ELAPOR1: variants seen among roughly 807,000 people sequenced by gnomAD.
ELAPOR1 encodes the protein endosome-lysosome associated apoptosis and autophagy regulator 1.
Under a neutral mutation model 119.7 loss-of-function variants are expected in ELAPOR1, and 77 were observed. The observed-to-expected ratio is 0.64, with a 90% CI of 0.54 to 0.78. The LOEUF (loss-of-function observed/expected upper bound fraction) is 0.78, where lower values mean the gene tolerates loss of function less well. Ranked by LOEUF, ELAPOR1 falls within the 30% of genes least tolerant of loss-of-function variation. ELAPOR1 has a pLI of 0.00. For missense variants in ELAPOR1, 1,115 were observed against 1,270.4 expected (o/e 0.88, Z 1.86); for synonymous variants, 481 against 487.2 (o/e 0.99, Z 0.17).
intron 1 of ELAPOR1, among the ~76,000 whole-genome samples, chr1:109,122,630 C>T (rs1221931154): frequency 6.6e-6 from 1 of 151,922 alleles, no homozygotes; most frequent in Non-Finnish European, 1.5e-5. Context: ...CACTACTCTC[C>T]AGCATGGGCA....
intron 1 of ELAPOR1, among the ~76,000 whole-genome samples, chr1:109,155,748 C>T (rs189004670): frequency 3.8e-4 from 58 of 152,274 alleles, no homozygotes; most frequent in Non-Finnish European, 6.9e-4. Context: ...CACCACAGCC[C>T]GGGTATGTCC....
In ELAPOR1 at chr1:109,114,255, G is replaced by T. The variant is rs1456653207; in HGVS notation, c.72G>T (p.Arg24=). 6.3e-7 allele frequency: 1 copy of T among 1,599,352 alleles called. No individual in the cohort carries two copies. Among genetic ancestry groups the T allele is most frequent in the Admixed American group, 1.7e-5 (1 of 57,994 alleles). The stretch of plus-strand genomic sequence containing the variant: ...GAAGAACTGAGAGGCGCATACCCCG[G>T]CTGTGGCGGCTGCTGCTCTGGGCTG... ...VRGRTERRIP[R]LWRLLLWAGT... Residue 24 remains arginine (R), a synonymous_variant, in exon 1 of 22, where the codon CGG becomes CGT. Coordinates refer to ENST00000369939, the MANE Select transcript of ELAPOR1 (RefSeq NM_020775.5).
intron 7 of ELAPOR1, among the ~76,000 whole-genome samples, 162 bp from the exon 8 acceptor site, chr1:109,184,883 C>T (rs1039553360): frequency 6.6e-6 from 1 of 152,166 alleles, no homozygotes; most frequent in Non-Finnish European, 1.5e-5. Context: ...GGAAATGACA[C>T]TATTGAGACA....
At chr1:109,150,872 T>C (rs1429191760) in intron 1 of ELAPOR1, among the ~76,000 whole-genome samples, 1 of 152,178 alleles carries the variant, frequency 6.6e-6, no homozygotes, top group Non-Finnish European at 1.5e-5. Context: ...GATAAAATAT[T>C]AAGCTATTTT....
At chr1:109,189,707 G>C (rs776057583) in intron 11 of ELAPOR1, 25 bp downstream of exon 11, 21 of 1,587,018 alleles carry the variant, frequency 1.3e-5, no homozygotes, top group Middle Eastern at 1.7e-4. Flanking sequence ...GCCCAGGGGA[G>C]TCCAGGCCAG....
intron 7 of ELAPOR1, among the ~76,000 whole-genome samples, chr1:109,184,655 T>C (rs1407399250): frequency 2.6e-5 from 4 of 152,200 alleles, no homozygotes; most frequent in African/African-American, 9.6e-5. Flanking sequence ...ACCTGGAAGA[T>C]GGTGAACTCT....
intron 1 of ELAPOR1, among the ~76,000 whole-genome samples, chr1:109,138,645 CT>C (rs1415339298): frequency 2.0e-5 from 3 of 149,330 alleles, no homozygotes; most frequent in Non-Finnish European, 3.0e-5. Flanking sequence ...ACTTTCTCCC[CT>C]GGGTCAGAGT....
At chr1:109,169,872 G>A (rs938054082) in intron 3 of ELAPOR1, among the ~76,000 whole-genome samples, 25 of 152,220 alleles carry the variant, frequency 1.6e-4, no homozygotes, top group African/African-American at 5.3e-4. Flanking sequence ...ACTCAGACAT[G>A]TGCCTAAGGA....
intron 1 of ELAPOR1, among the ~76,000 whole-genome samples, chr1:109,119,990 A>T (rs1648288049): frequency 6.6e-6 from 1 of 152,138 alleles, no homozygotes; most frequent in African/African-American, 2.4e-5. Context: ...CTATGGTCTG[A>T]TGTTTGTGTC....
intron 1 of ELAPOR1, among the ~76,000 whole-genome samples, chr1:109,144,061 A>ATATATATATTTTT: frequency 2.7e-4 from 24 of 88,978 alleles, no homozygotes; most frequent in African/African-American, 5.3e-4. Context: ...ATATTTATAT[A>ATATATATATTTTT]TTTTTTTTTT....
chr1:109,151,441 G>A (rs1441047739), intron 1 of ELAPOR1, among the ~76,000 whole-genome samples: 2 of 152,194 alleles, frequency 1.3e-5, no homozygotes, highest in African/African-American at 2.4e-5. Flanking sequence ...GACACAGTGA[G>A]GTCGCAGTGC....
chr1:109,137,923 G>A (rs1378053124), intron 1 of ELAPOR1, among the ~76,000 whole-genome samples: 1 of 152,214 alleles, frequency 6.6e-6, no homozygotes, highest in African/African-American at 2.4e-5. Context: ...TCTTCACAAA[G>A]TATACAAACT....
Position 109,198,587 on chromosome 1 carries a change from C to T in ELAPOR1, c.2414C>T (p.Thr805Ile), listed in dbSNP as rs1242771763. Residue 805 changes from threonine to isoleucine, a missense_variant, in exon 18 of 22, where the codon ACC becomes ATC. Thr to Ile is a moderately conservative substitution (Grantham distance 89). Coordinates refer to ENST00000369939, the MANE Select transcript of ELAPOR1 (RefSeq NM_020775.5). ...TTTCTCTGCAGGTCCAATGATGTGA[C>T]CCAGTCCTGCAGTTCTGGGAGATCA... is the stretch of plus-strand genomic sequence containing the variant. ...VIFFYRSNDV[T>I]QSCSSGRSTT... 6.2e-7 allele frequency: 1 copy of T among 1,613,588 alleles called. No individual in the cohort carries two copies. The highest frequency in any genetic ancestry group is 8.5e-7 in the Non-Finnish European group (1 of 1,179,798).
chr1:109,140,835 C>T, intron 1 of ELAPOR1, among the ~76,000 whole-genome samples: 1 of 152,274 alleles, frequency 6.6e-6, no homozygotes, highest in South Asian at 2.1e-4. Context: ...TTAAAAGCTT[C>T]AAATGCATTT....
chr1:109,192,314 A>T (rs1355793422), intron 13 of ELAPOR1, among the ~76,000 whole-genome samples: 1 of 152,086 alleles, frequency 6.6e-6, no homozygotes, highest in Non-Finnish European at 1.5e-5. Flanking sequence ...GCACAAGTAC[A>T]TTTTTTTCTC....
intron 1 of ELAPOR1, among the ~76,000 whole-genome samples, chr1:109,114,565 G>A (rs568557495): frequency 6.6e-6 from 1 of 152,276 alleles, no homozygotes; most frequent in East Asian, 1.9e-4. Flanking sequence ...TGAGCTCAGC[G>A]AGAAAGGTCC....
intron 1 of ELAPOR1, among the ~76,000 whole-genome samples, chr1:109,142,839 A>T (rs925310359): frequency 6.6e-6 from 1 of 152,238 alleles, no homozygotes; most frequent in African/African-American, 2.4e-5. Flanking sequence ...TCACACAAAA[A>T]CTTGTACATG....
At chr1:109,178,388 C>A (rs1652482714) in intron 7 of ELAPOR1, among the ~76,000 whole-genome samples, 1 of 152,124 alleles carries the variant, frequency 6.6e-6, no homozygotes, top group South Asian at 2.1e-4. Flanking sequence ...AGTCATATTT[C>A]TTTGAGACTT....
At chr1:109,148,078 C>T (rs1650294631) in intron 1 of ELAPOR1, among the ~76,000 whole-genome samples, 1 of 151,390 alleles carries the variant, frequency 6.6e-6, no homozygotes, top group South Asian at 2.1e-4. Context: ...ACCTCGTGAT[C>T]CACCCGCCTC....
Sources: allele counts gnomAD v4.1 joint callset (sites outside exome capture counted in the v4.1 genomes callset), GRCh38; gene constraint gnomAD v4.1.1; transcripts MANE v1.5; gene names NCBI Gene and HGNC (gene_info 2026-07-23, HGNC 2026-07-21).